Variants in CCSER2 observed in about 807,000 individuals in gnomAD.
CCSER2 encodes coiled-coil serine rich protein 2.
CCSER2 carries 46 observed loss-of-function variants against 92.3 expected under a neutral mutation model. The ratio of observed to expected loss-of-function variants is 0.50; its 90% CI spans 0.39 to 0.64. CCSER2 has a LOEUF of 0.64. Among genes scored for constraint, CCSER2 ranks in the 30% least tolerant of loss-of-function variants. The probability of loss-of-function intolerance (pLI) is 0.00; values close to 1 mark genes in which losing one functional copy is unlikely to be tolerated. For missense variants in CCSER2, 1,244 were observed against 1,238.9 expected (o/e 1.00, Z -0.06); for synonymous variants, 433 against 431.4 (o/e 1.00, Z -0.04).
rs193135834 is a variant in CCSER2, at chr10:84,483,581, G to A, written c.2325+5917G>A. On this transcript the variant is annotated intron_variant, in intron 9 of 9. Transcript: ENST00000372088. ...TTTTACCTAGTTTCTAGCAACCGTG[G>A]AAATTTATCAGCAAAGAACTCCACT... Among the ~76,000 whole-genome samples the A allele has an allele frequency of 3.3e-5, 5 of 152,008 alleles. No homozygotes were observed. In the East Asian group the frequency reaches 9.7e-4, roughly 29 times the overall value.
intron 9 of CCSER2, among the ~76,000 whole-genome samples, chr10:84,481,004 GT>G (rs923458413): frequency 6.6e-6 from 1 of 151,800 alleles, no homozygotes; most frequent in African/African-American, 2.4e-5. Context: ...AATTACTACA[GT>G]TTTTTTTCTG....
At chr10:84,427,816 A>G (rs932955865) in intron 5 of CCSER2, among the ~76,000 whole-genome samples, 3 of 152,134 alleles carry the variant, frequency 2.0e-5, no homozygotes, top group Non-Finnish European at 2.9e-5. Flanking sequence ...TCATAACTGA[A>G]ACCTAGCTCT....
At chr10:84,355,258 AT>A (rs1845099452) in intron 1 of CCSER2, among the ~76,000 whole-genome samples, 1 of 151,632 alleles carries the variant, frequency 6.6e-6, no homozygotes, top group Admixed American at 6.6e-5. Context: ...TGTAGGCTGT[AT>A]TTTTCCACTA....
At chr10:84,394,318 A>G (rs1841698199) in intron 3 of CCSER2, among the ~76,000 whole-genome samples, 1 of 152,046 alleles carries the variant, frequency 6.6e-6, no homozygotes, top group African/African-American at 2.4e-5. Context: ...AATTATAAAC[A>G]CATGATCGTA....
intron 5 of CCSER2, among the ~76,000 whole-genome samples, chr10:84,435,186 A>G (rs1844032529): frequency 6.6e-6 from 1 of 152,200 alleles, no homozygotes; most frequent in Non-Finnish European, 1.5e-5. Flanking sequence ...TAAAGAAACT[A>G]TGGCCCAAAG....
In CCSER2 at chr10:84,371,133, G is replaced by C. The variant is rs760634652; in HGVS notation, c.81G>C (p.Leu27Phe). ...GAACAAAATCTGTAAGAAGTACATTGCAGCCAATGCCAAATGGGACACCTG... is the reference window on the plus strand; with the variant it reads ...GAACAAAATCTGTAAGAAGTACATTCCAGCCAATGCCAAATGGGACACCTG... ...KYGTKSVRST[L>F]QPMPNGTPVN... The change falls in exon 2 of 10, where the codon TTG becomes TTC. Residue 27 changes from leucine (L) to phenylalanine (F), a missense_variant. Transcript: ENST00000372088. 1.2e-6 allele frequency: 2 copies of C among 1,612,998 alleles called. No homozygotes were observed. The highest frequency in any genetic ancestry group is 4.5e-5 in the East Asian group (2 of 44,860).
chr10:84,379,892 A>G (rs989662464), intron 3 of CCSER2, among the ~76,000 whole-genome samples: 2 of 152,116 alleles, frequency 1.3e-5, no homozygotes, highest in African/African-American at 4.8e-5. Context: ...TCCCCTGCTA[A>G]TCTACATTTC....
intron 8 of CCSER2, chr10:84,473,028 G>T (rs1846912313): frequency 6.6e-6 from 1 of 151,842 alleles, no homozygotes; most frequent in African/African-American, 2.4e-5. Flanking sequence ...TTGATTTGTT[G>T]AAGAGACTGC....
At chr10:84,502,673 T>C (rs1342628365) in intron 9 of CCSER2, among the ~76,000 whole-genome samples, 1 of 151,930 alleles carries the variant, frequency 6.6e-6, no homozygotes, top group Admixed American at 6.6e-5. Flanking sequence ...GCTCGGCCTC[T>C]TTGATGACTT....
chr10:84,453,491 T>G (rs754234013), intron 6 of CCSER2, among the ~76,000 whole-genome samples: 1 of 152,352 alleles, frequency 6.6e-6, no homozygotes, highest in East Asian at 1.9e-4. Context: ...GAACCGTAGT[T>G]TGTTAATCTC....
At chr10:84,351,243 GT>G (rs1176440951) in intron 1 of CCSER2, among the ~76,000 whole-genome samples, 3 of 147,558 alleles carry the variant, frequency 2.0e-5, no homozygotes, top group Admixed American at 6.8e-5. Context: ...TTTGTTTTTT[GT>G]TTTTTTTTTC....
In CCSER2 at chr10:84,445,975, A is replaced by G. The variant is rs191040273; in HGVS notation, c.2064+7268A>G. Among the ~76,000 whole-genome samples the G allele has an allele frequency of 1.3e-3, 201 of 152,190 alleles. 2 individuals are homozygous for G. Among genetic ancestry groups the G allele is most frequent in the African/African-American group, 4.0e-3 (168 of 41,520 alleles). ...TATTGTATTTATACCTGTAAGTGGG[A>G]TTGCTGGGTTAATTATAAGTTGGGT... On this transcript the variant is annotated intron_variant, in intron 6 of 9. Coordinates refer to ENST00000372088, the MANE Select transcript of CCSER2 (RefSeq NM_001284240.2).
chr10:84,367,707 C>CT (rs71013317), intron 1 of CCSER2, among the ~76,000 whole-genome samples: 28,540 of 141,286 alleles, frequency 0.2, 3,078 homozygotes, highest in Admixed American at 0.34. Context: ...CTTTTCCTTG[C>CT]TTTTTTTTTT....
intron 8 of CCSER2, among the ~76,000 whole-genome samples, chr10:84,476,448 T>C (rs1434826051): frequency 7.6e-6 from 1 of 131,608 alleles, no homozygotes; most frequent in Non-Finnish European, 1.6e-5. Flanking sequence ...TTTTTTTTTT[T>C]TTTTTTTTTT....
intron 7 of CCSER2, among the ~76,000 whole-genome samples, chr10:84,470,007 T>C (rs1255268945): frequency 6.7e-6 from 1 of 149,636 alleles, no homozygotes; most frequent in African/African-American, 2.4e-5. Context: ...TGCTTTTTTG[T>C]ATGTGATTTT....
intron 1 of CCSER2, among the ~76,000 whole-genome samples, chr10:84,355,986 A>G (rs1002603663): frequency 2.6e-5 from 4 of 151,536 alleles, no homozygotes; most frequent in Non-Finnish European, 5.9e-5. Context: ...GCCTGTAATC[A>G]CAGTTACTTG....
At chr10:84,479,619 T>C (rs75980679) in intron 9 of CCSER2, among the ~76,000 whole-genome samples, 6,448 of 152,274 alleles carry the variant, frequency 0.042, 205 homozygotes, top group Non-Finnish European at 0.063. Context: ...CTGTATTAAT[T>C]TGGATGTGTA....
intron 5 of CCSER2, among the ~76,000 whole-genome samples, chr10:84,428,385 C>T (rs993119958): frequency 1.2e-4 from 18 of 152,258 alleles, no homozygotes; most frequent in Admixed American, 3.3e-4. Context: ...GCCGCTGATA[C>T]GACAGGAGGT....
Position 84,425,871 on chromosome 10 carries a change from C to G in CCSER2, c.1846C>G (p.His616Asp), listed in dbSNP as rs867829544. The change falls in exon 5 of 10, where the codon CAT becomes GAT. Residue 616 changes from histidine (H) to aspartate (D), a missense_variant. Physicochemically the swap from His to Asp is moderately conservative, Grantham distance 81 (BLOSUM62 -1). Transcript: ENST00000372088. The stretch of plus-strand genomic sequence containing the variant: ...CAGCCACCCTGACCACTATCATCAC[C>G]ATGGAAAAAGTGACTTGAGCAGGTA... The part of the protein sequence containing the change: ...HLSHPDHYHH[H>D]GKSDLSRGSP... The G allele has an allele frequency of 6.2e-7, 1 of 1,602,714 alleles. No individual in the cohort carries two copies. The highest frequency in any genetic ancestry group is 8.5e-7 in the Non-Finnish European group (1 of 1,174,088).
Sources: allele counts gnomAD v4.1 joint callset (sites outside exome capture counted in the v4.1 genomes callset), GRCh38; gene constraint gnomAD v4.1.1; transcripts MANE v1.5; gene names NCBI Gene and HGNC (gene_info 2026-07-23, HGNC 2026-07-21).